DGKA: variants seen among roughly 807,000 people sequenced by gnomAD.
DGKA encodes the protein 80 kDa diacylglycerol kinase.
A neutral mutation model predicts 105.0 loss-of-function variants in DGKA; 35 were observed. That is an observed-to-expected ratio of 0.33 (90% CI 0.25 to 0.44). The LOEUF (loss-of-function observed/expected upper bound fraction) is 0.44, where lower values mean the gene tolerates loss of function less well. Among genes scored for constraint, DGKA ranks in the 20% least tolerant of loss-of-function variants. DGKA has a pLI of 1.00. For synonymous variants in DGKA, 296 were observed against 332.0 expected, an observed-to-expected ratio of 0.89 and a Z score of 1.18; for missense variants, 665 against 915.0, an observed-to-expected ratio of 0.73 and a Z score of 3.53.
upstream of DGKA, chr12:55,927,437 C>G: frequency 1.4e-6 from 1 of 707,628 alleles, no homozygotes. Flanking sequence ...GGGAAAAGGG[C>G]GCAAGGCCCA....
chr12:55,928,170 T>G (rs1322947343), upstream of DGKA: 3 of 190,704 alleles, frequency 1.6e-5, no homozygotes, highest in African/African-American at 2.3e-5. Flanking sequence ...CCCTACAGCC[T>G]GAGAGGAGCC....
chr12:55,938,093 G>T (rs372073714), intron 5 of DGKA, 41 bp downstream of exon 5: 7 of 1,548,896 alleles, frequency 4.5e-6, no homozygotes, highest in East Asian at 2.3e-5. Context: ...GGCAGTGAAG[G>T]GAGAGAGAGG....
At chr12:55,941,106 A>G (rs1384582452) in intron 13 of DGKA, 126 bp downstream of exon 13, 19 of 1,265,764 alleles carry the variant, frequency 1.5e-5, no homozygotes, top group Non-Finnish European at 2.1e-5. Context: ...AAACTCCACC[A>G]TGGTAGGGGA....
intron 6 of DGKA, 103 bp from the exon 7 acceptor site, chr12:55,938,812 G>A (rs1420376208): frequency 6.4e-7 from 1 of 1,562,948 alleles, no homozygotes; most frequent in Non-Finnish European, 8.8e-7. Context: ...AGAATGAGAG[G>A]TGTGAATCTG....
upstream of DGKA, among the ~76,000 whole-genome samples, chr12:55,928,782 C>G (rs1017488874): frequency 1.3e-5 from 2 of 151,184 alleles, no homozygotes; most frequent in Non-Finnish European, 2.9e-5. Flanking sequence ...GGGGCCGCAG[C>G]TTGCCTTCCT....
chr12:55,953,648 C>G (rs773455138), intron 23 of DGKA, 37 bp from the exon 24 acceptor site: 2 of 1,594,364 alleles, frequency 1.3e-6, no homozygotes, highest in South Asian at 2.2e-5. Flanking sequence ...CCCAAAGTAT[C>G]AGGTCCTGCC....
At chr12:55,936,794 C>T in intron 2 of DGKA, 3 of 815,994 alleles carry the variant, frequency 3.7e-6, no homozygotes, top group Non-Finnish European at 6.3e-6. Flanking sequence ...TCTCGGCTCT[C>T]TACCCACCTT....
chr12:55,931,429 G>C (rs145864269), intron 1 of DGKA, 85 bp downstream of exon 1: 39 of 152,444 alleles, frequency 2.6e-4, no homozygotes, highest in African/African-American at 9.4e-4. Context: ...GAGAGAACAT[G>C]AGTCTTGACA....
intron 13 of DGKA, 79 bp downstream of exon 13, chr12:55,941,059 A>C: frequency 6.7e-7 from 1 of 1,500,964 alleles, no homozygotes; most frequent in African/African-American, 1.4e-5. Flanking sequence ...ATGAAGTGGG[A>C]GAGCCTGGTG....
At position 55,953,573 on chromosome 12, in the gene DGKA, C is replaced by T. The variant is rs116225134; in HGVS notation, c.2125-112C>T. On this transcript the variant is annotated intron_variant, in intron 23 of 23. Coordinates refer to ENST00000331886, the MANE Select transcript of DGKA (RefSeq NM_001345.5). ...GCCCCTGGTTTCCCTATCGTGGCCT[C>T]TCTAGGAACCTAGCAACCCACCCCA... The T allele has an allele frequency of 1.2e-3, 1,681 of 1,363,944 alleles. 28 individuals are homozygous for T. The African/African-American group carries it at 0.022, about 18-fold the overall frequency. 84.5% of individuals were successfully genotyped at this position (1,363,944 alleles called of 1,614,324 possible). A position where few individuals can be genotyped will look rare whatever the true frequency, so the allele number is the denominator to read the frequency against.
At chr12:55,937,280 G>T in intron 3 of DGKA, 128 bp from the exon 4 acceptor site, 1 of 1,295,226 alleles carries the variant, frequency 7.7e-7, no homozygotes, top group East Asian at 2.3e-5. Context: ...CTTAATCAAA[G>T]AAACCATACT....
intron 17 of DGKA, among the ~76,000 whole-genome samples, chr12:55,946,030 C>T (rs1437126139): frequency 6.6e-6 from 1 of 152,184 alleles, no homozygotes; most frequent in Non-Finnish European, 1.5e-5. Context: ...TCAAGTGAAC[C>T]ACCTGCCTCA....
rs1885829674 is a variant in DGKA, at chr12:55,940,952, T to C, written c.1073T>C (p.Leu358Ser). The part of the protein sequence containing the change: ...SKTSQKTMDD[L>S]NLSTSEALRI... ...ACAAGCCAGAAGACCATGGATGATTTAAATTTGAGCACCTCTGAGGCTCTG... is the reference window on the plus strand; with the variant it reads ...ACAAGCCAGAAGACCATGGATGATTCAAATTTGAGCACCTCTGAGGCTCTG... The change falls in exon 13 of 24, where the codon TTA becomes TCA. Residue 358 changes from leucine (L) to serine (S), a missense_variant. Leu to Ser is a moderately radical substitution (Grantham distance 145). Transcript: ENST00000331886. The surrounding 1 kb of genome is among the most constrained non-coding windows in gnomAD (Gnocchi z 4.3). 25 of 1,614,092 alleles carry C rather than the reference T, an allele frequency of 1.5e-5. No homozygotes were observed. Among genetic ancestry groups the C allele is most frequent in the Non-Finnish European group, 1.9e-5 (22 of 1,180,012 alleles).
intron 2 of DGKA, 190 bp from the exon 3 acceptor site, chr12:55,936,827 C>G (rs779460652): frequency 6.2e-6 from 5 of 803,388 alleles, no homozygotes. Context: ...ACTGCTTGCT[C>G]CAGCTCTCAG....
chr12:55,927,780 C>T, upstream of DGKA: 4 of 1,537,704 alleles, frequency 2.6e-6, no homozygotes, highest in African/African-American at 1.4e-5. Context: ...AGGCAGCGGA[C>T]CAGGTTGGGC....
chr12:55,941,190 G>T, intron 13 of DGKA, 62 bp from the exon 14 acceptor site: 1 of 1,544,864 alleles, frequency 6.5e-7, no homozygotes, highest in South Asian at 1.2e-5. Context: ...CTGTCTCCTG[G>T]GCCCACCTTA....
Position 55,936,458 on chromosome 12 carries a change from C to T in DGKA, c.-46C>T, listed in dbSNP as rs1884722492. ...TGAAGAGGTCCAAGCAACGGAAGTA[C>T]TACTACGAAGCTGCCTTTCTGGCCA... On this transcript the variant is annotated 5_prime_UTR_variant, in exon 2 of 24. Coordinates refer to ENST00000331886, the MANE Select transcript of DGKA (RefSeq NM_001345.5). 1 of 1,605,922 alleles carries T rather than the reference C, an allele frequency of 6.2e-7. No homozygotes were observed. Among genetic ancestry groups the T allele is most frequent in the Non-Finnish European group, 8.5e-7 (1 of 1,174,834 alleles).
chr12:55,953,239 G>C, intron 22 of DGKA, 79 bp downstream of exon 22: 1 of 1,609,814 alleles, frequency 6.2e-7, no homozygotes, highest in Non-Finnish European at 8.5e-7. Context: ...TGGTGGGGAG[G>C]GGCTTTACTA....
At chr12:55,939,586 G>A (rs1278250775) in intron 9 of DGKA, 57 bp downstream of exon 9, 4 of 1,547,202 alleles carry the variant, frequency 2.6e-6, no homozygotes, top group African/African-American at 1.4e-5. Flanking sequence ...ATCTGTGGGA[G>A]CTTGATGCTG....
Sources: allele counts gnomAD v4.1 joint callset (sites outside exome capture counted in the v4.1 genomes callset), GRCh38; gene constraint gnomAD v4.1.1; non-coding constraint Gnocchi (gnomAD v3.1); transcripts MANE v1.5; gene names NCBI Gene and HGNC (gene_info 2026-07-23, HGNC 2026-07-21).